Variants in TENM3 observed in about 807,000 individuals in gnomAD.
TENM3 encodes the protein teneurin-3.
TENM3 carries 63 observed loss-of-function variants against 255.1 expected under a neutral mutation model. That is an observed-to-expected ratio of 0.25 (90% CI 0.20 to 0.30). TENM3 has a LOEUF of 0.30. Ranked by LOEUF, TENM3 falls within the 10% of genes least tolerant of loss-of-function variation. TENM3 has a pLI of 1.00. For synonymous variants in TENM3, 1,306 were observed against 1,322.3 expected, an observed-to-expected ratio of 0.99 and a Z score of 0.27; for missense variants, 2,929 against 3,461.1, an observed-to-expected ratio of 0.85 and a Z score of 3.86.
intron 1 of TENM3, among the ~76,000 whole-genome samples, chr4:182,222,301 G>A (rs1755892715): frequency 6.6e-6 from 1 of 152,212 alleles, no homozygotes; most frequent in Admixed American, 6.5e-5. Context: ...AGTGAAGCGT[G>A]GAGGTCTTCA....
the TENM3 span, among the ~76,000 whole-genome samples, chr4:181,902,722 T>A: frequency 6.7e-6 from 1 of 149,040 alleles, no homozygotes; most frequent in Non-Finnish European, 1.5e-5. Flanking sequence ...AGTTGAACAA[T>A]GAGAGCACAG....
intron 6 of TENM3, among the ~76,000 whole-genome samples, chr4:182,671,566 G>T (rs1363167520): frequency 1.3e-5 from 2 of 152,180 alleles, no homozygotes; most frequent in African/African-American, 4.8e-5. Context: ...TTATCAGTTT[G>T]TGGGTGTTGT....
chr4:182,088,676 T>C, the TENM3 span, among the ~76,000 whole-genome samples: 1 of 151,690 alleles, frequency 6.6e-6, no homozygotes, highest in Non-Finnish European at 1.5e-5. Context: ...CTACTAAAAA[T>C]ACAAAAAATT....
intron 5 of TENM3, among the ~76,000 whole-genome samples, chr4:182,641,807 G>A (rs570485196): frequency 1.2e-4 from 19 of 152,208 alleles, no homozygotes; most frequent in Non-Finnish European, 2.5e-4. Flanking sequence ...GATTACAGGC[G>A]CAAGCCACCG....
the TENM3 span, among the ~76,000 whole-genome samples, chr4:182,055,607 C>G: frequency 9.9e-5 from 15 of 152,116 alleles, no homozygotes; most frequent in Non-Finnish European, 2.2e-4. Context: ...ACCGCTCTCA[C>G]TTGCTGTAGC....
chr4:182,289,741 T>C lies in TENM3; in HGVS notation c.-75-34205T>C, dbSNP rs112471759. On this transcript the variant is annotated intron_variant, in intron 1 of 27. Transcript: ENST00000511685. ...CTTGTATCTGAGGCTTAGAGGTGTA[T>C]GAAAATGAAGCAGGCAGAACCCTGG... 9.6e-3 allele frequency among the ~76,000 whole-genome samples: 1,467 copies of C among 152,268 alleles called. 25 individuals carry two copies. Among genetic ancestry groups the C allele is most frequent in the African/African-American group, 0.033 (1,387 of 41,532 alleles).
At chr4:181,826,545 C>T in the TENM3 span, among the ~76,000 whole-genome samples, 5 of 152,210 alleles carry the variant, frequency 3.3e-5, no homozygotes, top group African/African-American at 1.2e-4. Context: ...TACTAAGCAC[C>T]AGGGCCAGGG....
At chr4:181,641,642 T>G in the TENM3 span, among the ~76,000 whole-genome samples, 1 of 41,676 alleles carries the variant, frequency 2.4e-5, no homozygotes, top group African/African-American at 7.9e-5. Context: ...ATATATATAA[T>G]GGAAAATATA....
At chr4:181,937,506 G>A in the TENM3 span, among the ~76,000 whole-genome samples, 5 of 152,190 alleles carry the variant, frequency 3.3e-5, no homozygotes, top group African/African-American at 7.2e-5. Context: ...ACATCCATAT[G>A]GGAAGGACAT....
At chr4:181,925,481 C>T in the TENM3 span, among the ~76,000 whole-genome samples, 25 of 152,112 alleles carry the variant, frequency 1.6e-4, no homozygotes, top group African/African-American at 4.8e-4. Context: ...TTCACATTAC[C>T]GGATTTCTAA....
intron 12 of TENM3, among the ~76,000 whole-genome samples, chr4:182,709,430 A>G (rs987890091): frequency 2.0e-5 from 3 of 152,200 alleles, no homozygotes; most frequent in African/African-American, 7.2e-5. Context: ...TTAGTTTTCA[A>G]AGTAATTTTT....
chr4:182,250,356 C>G (rs1167636753), intron 1 of TENM3, among the ~76,000 whole-genome samples: 2 of 151,972 alleles, frequency 1.3e-5, no homozygotes, highest in African/African-American at 4.8e-5. Context: ...CTGGCCTGTT[C>G]TAGTTATTTT....
chr4:181,925,913 G>T, the TENM3 span, among the ~76,000 whole-genome samples: 7 of 152,308 alleles, frequency 4.6e-5, no homozygotes, highest in African/African-American at 1.7e-4. Flanking sequence ...TGATTCTAGA[G>T]ATTGGGAAAG....
chr4:181,732,837 C>G, the TENM3 span, among the ~76,000 whole-genome samples: 1 of 152,098 alleles, frequency 6.6e-6, no homozygotes, highest in African/African-American at 2.4e-5. Context: ...ACACATGGAG[C>G]ATTTTAAGAA....
At chr4:181,476,885 C>T in the TENM3 span, among the ~76,000 whole-genome samples, 1 of 152,206 alleles carries the variant, frequency 6.6e-6, no homozygotes, top group Non-Finnish European at 1.5e-5. Flanking sequence ...GCACTCATCT[C>T]TCCAAATGAG....
intron 3 of TENM3, among the ~76,000 whole-genome samples, chr4:182,507,441 C>G (rs1297576441): frequency 6.6e-6 from 1 of 152,160 alleles, no homozygotes; most frequent in African/African-American, 2.4e-5. Flanking sequence ...TTACCTATTT[C>G]AAAACAGAAC....
At chr4:181,916,313 G>T in the TENM3 span, among the ~76,000 whole-genome samples, 1 of 152,206 alleles carries the variant, frequency 6.6e-6, no homozygotes, top group South Asian at 2.1e-4. Context: ...TAGGTATTTG[G>T]ATCATTACTT....
chr4:181,852,102 G>T, the TENM3 span, among the ~76,000 whole-genome samples: 1 of 152,158 alleles, frequency 6.6e-6, no homozygotes, highest in Non-Finnish European at 1.5e-5. Flanking sequence ...CAACTTCAAA[G>T]AATTTAAAGA....
intron 1 of TENM3, among the ~76,000 whole-genome samples, chr4:182,243,919 T>G (rs1488859068): frequency 6.6e-6 from 1 of 151,744 alleles, no homozygotes; most frequent in Non-Finnish European, 1.5e-5. Context: ...TGATAGACTC[T>G]TCCAAGAATG....
Sources: allele counts gnomAD v4.1 joint callset (sites outside exome capture counted in the v4.1 genomes callset), GRCh38; gene constraint gnomAD v4.1.1; transcripts MANE v1.5; gene names NCBI Gene and HGNC (gene_info 2026-07-23, HGNC 2026-07-21).